The following RIMS2 variants were observed in gnomAD, a reference collection of about 807,000 sequenced individuals.
RIMS2 encodes regulating synaptic membrane exocytosis 2, also known as regulating synaptic membrane exocytosis protein 2.
Under a neutral mutation model 174.4 loss-of-function variants are expected in RIMS2, and 59 were observed. The observed-to-expected ratio is 0.34, with a 90% confidence interval of 0.27 to 0.42. RIMS2 has a LOEUF of 0.42. RIMS2 is among the 10% of genes least tolerant of loss of function. The pLI, the probability that RIMS2 is intolerant of heterozygous loss-of-function variation, is 1.00. For synonymous variants in RIMS2, 606 were observed against 572.5 expected (o/e 1.06, Z -0.84); for missense variants, 1,620 against 1,666.3 (o/e 0.97, Z 0.48).
chr8:103,541,009 G>C (rs1842347927), intron 1 of RIMS2, among the ~76,000 whole-genome samples: 1 of 152,166 alleles, frequency 6.6e-6, no homozygotes, highest in East Asian at 1.9e-4. Context: ...AAGCTTATGG[G>C]ATTTATGGGA....
At chr8:103,585,094 C>A (rs1488815635) in intron 1 of RIMS2, among the ~76,000 whole-genome samples, 3 of 152,092 alleles carry the variant, frequency 2.0e-5, no homozygotes, top group Non-Finnish European at 4.4e-5. Context: ...TATGAACAGA[C>A]ATTTCTCAAA....
intron 17 of RIMS2, among the ~76,000 whole-genome samples, chr8:103,990,657 TTTAGTTGCCTAA>T (rs2094622802): frequency 6.6e-6 from 1 of 152,034 alleles, no homozygotes; most frequent in African/African-American, 2.4e-5. Context: ...GAAGAGGTAT[TTTAGTTGCCTAA>T]TATAGCATTT....
chr8:103,845,590 A>T (rs2098963672), intron 3 of RIMS2, among the ~76,000 whole-genome samples: 1 of 152,118 alleles, frequency 6.6e-6, no homozygotes, highest in South Asian at 2.1e-4. Context: ...ACTGGCAGAA[A>T]CTAGTACCCA....
chr8:103,841,368 C>T (rs2098938846), intron 3 of RIMS2, among the ~76,000 whole-genome samples: 1 of 151,938 alleles, frequency 6.6e-6, no homozygotes. Flanking sequence ...ATACATATTA[C>T]TTTATAAATA....
chr8:103,980,767 T>C (rs189588958), intron 16 of RIMS2, among the ~76,000 whole-genome samples: 90 of 152,196 alleles, frequency 5.9e-4, no homozygotes, highest in Admixed American at 2.3e-3. Flanking sequence ...GGGCTTTCAG[T>C]GAACATTGCA....
intron 1 of RIMS2, chr8:103,652,640 G>T: frequency 7.4e-7 from 1 of 1,349,580 alleles, no homozygotes; most frequent in Non-Finnish European, 9.8e-7. Context: ...TCCCTTTAGT[G>T]GAATCACTGA....
chr8:103,525,572 C>G (rs139410945), intron 1 of RIMS2, among the ~76,000 whole-genome samples: 39 of 152,120 alleles, frequency 2.6e-4, no homozygotes, highest in African/African-American at 3.6e-4. Flanking sequence ...TGATTGACAT[C>G]AAGACTATAT....
At position 103,811,230 on chromosome 8, in the gene RIMS2, T is replaced by C. The variant is rs527770966; in HGVS notation, c.698+44693T>C. ...TCTTGTTAGTTACCAAGGAAATATATACTTGGAACAAGCAGTCCTAACGCT... is the reference window on the plus strand; with the variant it reads ...TCTTGTTAGTTACCAAGGAAATATACACTTGGAACAAGCAGTCCTAACGCT... On this transcript the variant is annotated intron_variant, in intron 3 of 23. Transcript: ENST00000504942. 3.5e-4 allele frequency among the ~76,000 whole-genome samples: 53 copies of C among 152,296 alleles called. 1 individual carries two copies. The highest frequency in any genetic ancestry group is 1.3e-3 in the African/African-American group (52 of 41,566).
intron 1 of RIMS2, among the ~76,000 whole-genome samples, chr8:103,519,182 A>T (rs1311159023): frequency 1.3e-5 from 2 of 152,164 alleles, no homozygotes; most frequent in Non-Finnish European, 2.9e-5. Flanking sequence ...CAGTGAATTT[A>T]TATGTCATAT....
intron 15 of RIMS2, among the ~76,000 whole-genome samples, chr8:103,970,839 C>T (rs2092785585): frequency 6.6e-6 from 1 of 152,182 alleles, no homozygotes; most frequent in South Asian, 2.1e-4. Flanking sequence ...ACATTACAAG[C>T]TCCTTACAAA....
chr8:103,739,215 T>C (rs974711309), intron 2 of RIMS2, among the ~76,000 whole-genome samples: 1 of 152,196 alleles, frequency 6.6e-6, no homozygotes, highest in Admixed American at 6.5e-5. Context: ...AAGGATGAGT[T>C]CATGTCCTTT....
intron 17 of RIMS2, among the ~76,000 whole-genome samples, chr8:104,010,758 T>A (rs909903743): frequency 2.6e-5 from 4 of 152,282 alleles, no homozygotes; most frequent in South Asian, 2.1e-4. Flanking sequence ...AGATTTAAAT[T>A]TACAGGTGAG....
At chr8:104,100,446 C>A (rs2097849615) in intron 19 of RIMS2, among the ~76,000 whole-genome samples, 1 of 151,894 alleles carries the variant, frequency 6.6e-6, no homozygotes, top group Non-Finnish European at 1.5e-5. Flanking sequence ...CTTTTTCTTG[C>A]CTCATGAATC....
At chr8:103,954,047 G>A (rs2086312974) in intron 14 of RIMS2, among the ~76,000 whole-genome samples, 1 of 152,154 alleles carries the variant, frequency 6.6e-6, no homozygotes, top group Non-Finnish European at 1.5e-5. Context: ...GCAACAAGAA[G>A]AGCTAACTAT....
intron 14 of RIMS2, among the ~76,000 whole-genome samples, chr8:103,955,299 A>G (rs2086787729): frequency 6.6e-6 from 1 of 152,186 alleles, no homozygotes; most frequent in African/African-American, 2.4e-5. Context: ...CACAACAAAA[A>G]AAGACAATTT....
chr8:104,106,281 C>CTTTGTAATATAGTTAGT (rs2098062656), intron 19 of RIMS2, among the ~76,000 whole-genome samples: 1 of 144,006 alleles, frequency 6.9e-6, no homozygotes, highest in South Asian at 2.3e-4. Flanking sequence ...TACAGTTTTA[C>CTTTGTAATATAGTTAGT]TTTGTAATAT....
In RIMS2 at chr8:104,135,924, G is replaced by C. The variant is rs528708336; in HGVS notation, c.3335-108992G>C. Among the ~76,000 whole-genome samples the C allele has an allele frequency of 8.5e-5, 13 of 152,296 alleles. No homozygotes were observed. In the East Asian group the frequency reaches 2.5e-3, roughly 29 times the overall value. ...AAAGGAGACAGAAAGCCTTGTAGCAGCCTTGTGGATACTGTTGGGGTAATC... is the reference window on the plus strand; with the variant it reads ...AAAGGAGACAGAAAGCCTTGTAGCACCCTTGTGGATACTGTTGGGGTAATC... On this transcript the variant is annotated intron_variant, in intron 19 of 23. Transcript: ENST00000504942.
chr8:103,747,777 G>A (rs888294229), intron 2 of RIMS2, among the ~76,000 whole-genome samples: 1 of 152,150 alleles, frequency 6.6e-6, no homozygotes, highest in African/African-American at 2.4e-5. Context: ...AAGACTGCAG[G>A]TGGAGCAATT....
intron 1 of RIMS2, among the ~76,000 whole-genome samples, chr8:103,501,868 C>G (rs1020328099): frequency 1.3e-5 from 2 of 152,230 alleles, no homozygotes; most frequent in African/African-American, 4.8e-5. Flanking sequence ...GGAGTGAAAG[C>G]AGCACCCAGG....
Sources: allele counts gnomAD v4.1 joint callset (sites outside exome capture counted in the v4.1 genomes callset), GRCh38; gene constraint gnomAD v4.1.1; transcripts MANE v1.5; gene names NCBI Gene and HGNC (gene_info 2026-07-23, HGNC 2026-07-21).